Variants in TXNDC16 observed in about 807,000 individuals in gnomAD.
TXNDC16 encodes thioredoxin domain-containing protein 16.
A neutral mutation model predicts 85.6 loss-of-function variants in TXNDC16; 74 were observed. The ratio of observed to expected loss-of-function variants is 0.86; its 90% CI spans 0.72 to 1.05. TXNDC16 has a LOEUF of 1.05. Ranked by LOEUF, TXNDC16 falls within the 50% of genes least tolerant of loss-of-function variation. The probability of loss-of-function intolerance (pLI) is 0.00; values close to 1 mark genes in which losing one functional copy is unlikely to be tolerated. For missense variants in TXNDC16, 959 were observed against 947.0 expected, an observed-to-expected ratio of 1.01 and a Z score of -0.17; for synonymous variants, 335 against 326.5, an observed-to-expected ratio of 1.03 and a Z score of -0.28.
chr14:52,459,220 C>T (rs183427244), intron 16 of TXNDC16, among the ~76,000 whole-genome samples: 2 of 152,116 alleles, frequency 1.3e-5, no homozygotes, highest in Non-Finnish European at 2.9e-5. Context: ...CACATACATA[C>T]ATCTGTTTTT....
In TXNDC16 at chr14:52,490,963, G is replaced by T. The variant is rs771313874; in HGVS notation, c.799C>A (p.Leu267Ile). The T allele has an allele frequency of 1.3e-6, 2 of 1,591,714 alleles. No homozygotes were observed. Among genetic ancestry groups the T allele is most frequent in the African/African-American group, 2.8e-5 (2 of 72,266 alleles). ...EDPQQVSTVH[L>I]QLGLPLVFIV... is the part of the protein sequence containing the mutation. ...AAAACCAGTGGTAAGCCCAGTTGGA[G>T]ATGGACAGTTGAAACTTGTTGAGGA... Residue 267 changes from leucine (L) to isoleucine (I), a missense_variant, in exon 10 of 21, where the codon CTC (leucine) becomes ATC (isoleucine). Physicochemically the swap from Leu to Ile is conservative, Grantham distance 5. Coordinates refer to ENST00000281741, the MANE Select transcript of TXNDC16 (RefSeq NM_020784.3).
chr14:52,495,945 G>A (rs970473406), intron 9 of TXNDC16, among the ~76,000 whole-genome samples: 4 of 151,862 alleles, frequency 2.6e-5, no homozygotes, highest in Non-Finnish European at 5.9e-5. Context: ...GGATCACGAG[G>A]TCAGGAGATC....
At chr14:52,437,145 T>A (rs1227380970) in intron 20 of TXNDC16, among the ~76,000 whole-genome samples, 2 of 152,138 alleles carry the variant, frequency 1.3e-5, no homozygotes, top group African/African-American at 4.8e-5. Flanking sequence ...TTCTATGTTT[T>A]CAGAAAAGTG....
chr14:52,516,952 A>C (rs1424508770), intron 7 of TXNDC16, among the ~76,000 whole-genome samples: 3 of 151,992 alleles, frequency 2.0e-5, no homozygotes, highest in Non-Finnish European at 4.4e-5. Flanking sequence ...TCCTTTCAAA[A>C]TCCCAGCCTC....
At chr14:52,504,499 A>C (rs1405718399) in intron 9 of TXNDC16, among the ~76,000 whole-genome samples, 7 of 152,110 alleles carry the variant, frequency 4.6e-5, no homozygotes, top group East Asian at 1.9e-4. Context: ...GAAATAAAAT[A>C]CTTTACAGAC....
chr14:52,461,946 TA>T (rs2035661310), intron 16 of TXNDC16, among the ~76,000 whole-genome samples: 2 of 152,228 alleles, frequency 1.3e-5, no homozygotes, highest in South Asian at 4.1e-4. Context: ...TTTATGACCT[TA>T]AAACATGTAA....
intron 18 of TXNDC16, among the ~76,000 whole-genome samples, chr14:52,445,898 T>C (rs992322995): frequency 1.3e-5 from 2 of 152,222 alleles, no homozygotes; most frequent in Non-Finnish European, 2.9e-5. Context: ...TCTCAGAAGA[T>C]ATCCTCGTTA....
intron 16 of TXNDC16, among the ~76,000 whole-genome samples, chr14:52,458,044 C>CTAGG (rs1449452931): frequency 3.9e-5 from 6 of 152,170 alleles, no homozygotes; most frequent in African/African-American, 1.4e-4. Flanking sequence ...ATAGTACCTA[C>CTAGG]TAGGCTAGGC....
At chr14:52,517,158 G>A (rs9323232) in intron 7 of TXNDC16, among the ~76,000 whole-genome samples, 2 of 151,804 alleles carry the variant, frequency 1.3e-5, no homozygotes, top group Non-Finnish European at 2.9e-5. Context: ...AGGTCCTCCC[G>A]CTCTGGTCTT....
intron 9 of TXNDC16, among the ~76,000 whole-genome samples, chr14:52,509,026 G>T (rs1175387851): frequency 1.3e-5 from 2 of 151,936 alleles, no homozygotes; most frequent in African/African-American, 4.8e-5. Flanking sequence ...TGCACGTTGT[G>T]CACATGTACC....
At position 52,506,642 on chromosome 14, in the gene TXNDC16, C is replaced by T. The variant is rs977996600; in HGVS notation, c.756+4598G>A. On this transcript the variant is annotated intron_variant, in intron 9 of 20. Transcript: ENST00000281741. ...CGCAATCTCGGCTCACTGCAAGCTC[C>T]GCTTCCCGGGTTCACGCCATTCTCC... 1.0e-4 allele frequency among the ~76,000 whole-genome samples: 14 copies of T among 140,556 alleles called. 2 individuals are homozygous for T. Among genetic ancestry groups the T allele is most frequent in the African/African-American group, 3.5e-4 (13 of 36,802 alleles). 92.2% of individuals were successfully genotyped at this position (140,556 alleles called of 152,430 possible).
chr14:52,542,695 T>C (rs537911586), intron 3 of TXNDC16, among the ~76,000 whole-genome samples: 13 of 152,164 alleles, frequency 8.5e-5, no homozygotes, highest in Non-Finnish European at 1.3e-4. Context: ...AACAACAATA[T>C]AATAAATGTT....
chr14:52,470,727 T>C (rs772475001), intron 14 of TXNDC16, 47 bp from the exon 15 acceptor site: 3 of 1,535,054 alleles, frequency 2.0e-6, no homozygotes, highest in Non-Finnish European at 2.6e-6. Flanking sequence ...TTGTAGAAAA[T>C]GCATTTGCTT....
chr14:52,452,239 A>G (rs2035428953), intron 18 of TXNDC16, among the ~76,000 whole-genome samples: 1 of 152,230 alleles, frequency 6.6e-6, no homozygotes, highest in African/African-American at 2.4e-5. Context: ...CACTGTTGTT[A>G]AAATGTTCTT....
chr14:52,454,649 C>CAAAAACAA (rs2035489387), intron 18 of TXNDC16, among the ~76,000 whole-genome samples: 1 of 60,424 alleles, frequency 1.7e-5, no homozygotes. Context: ...ACTAAAAATA[C>CAAAAACAA]AAAAAAAAAA....
At position 52,492,663 on chromosome 14, in the gene TXNDC16, G is replaced by A. The variant is rs78810178; in HGVS notation, c.757-1658C>T. ...TCCCAGGACATTTGAACTAGGCAGG[G>A]AGGTGGGGTGTCATGTGGCCAGGTG... On this transcript the variant is annotated intron_variant, in intron 9 of 20. Transcript: ENST00000281741. Among the ~76,000 whole-genome samples, 1,401 of 152,294 alleles carry A rather than the reference G, an allele frequency of 9.2e-3. 19 individuals carry two copies. The highest frequency in any genetic ancestry group is 0.032 in the African/African-American group (1,341 of 41,552).
In TXNDC16 at chr14:52,449,537, ATCT is replaced by A. The variant is rs772582495; in HGVS notation, c.1842+5784_1842+5786del. Among the ~76,000 whole-genome samples, 236 of 152,248 alleles carry A rather than the reference ATCT, an allele frequency of 1.6e-3. 1 individual carries two copies. Among genetic ancestry groups the A allele is most frequent in the Non-Finnish European group, 2.0e-3 (136 of 67,978 alleles). On this transcript the variant is annotated intron_variant, in intron 18 of 20. Coordinates refer to ENST00000281741, the MANE Select transcript of TXNDC16 (RefSeq NM_020784.3). Reference sequence around the variant, plus strand: ...ACAACCCACTTTCAGCAATGGACAAATCTTCTTGACAGGAAATCCGCAAAGAAA... The same window carrying A: ...ACAACCCACTTTCAGCAATGGACAAATCTTGACAGGAAATCCGCAAAGAAA...
At chr14:52,522,555 G>A (rs925706042) in intron 6 of TXNDC16, among the ~76,000 whole-genome samples, 7 of 152,292 alleles carry the variant, frequency 4.6e-5, no homozygotes, top group South Asian at 4.2e-4. Flanking sequence ...AAGAAGCAGC[G>A]GCAGTAACAG....
At chr14:52,524,196 G>A (rs1566577402) in intron 6 of TXNDC16, among the ~76,000 whole-genome samples, 2 of 152,296 alleles carry the variant, frequency 1.3e-5, no homozygotes, top group Middle Eastern at 3.4e-3. Context: ...ACTTTCCCCC[G>A]AGGTTCTACA....
Sources: allele counts gnomAD v4.1 joint callset (sites outside exome capture counted in the v4.1 genomes callset), GRCh38; gene constraint gnomAD v4.1.1; transcripts MANE v1.5; gene names NCBI Gene and HGNC (gene_info 2026-07-23, HGNC 2026-07-21).